The following TET1 variants were observed in gnomAD, a reference collection of about 807,000 sequenced individuals.
TET1 encodes methylcytosine dioxygenase TET1.
Under a neutral mutation model 148.7 loss-of-function variants are expected in TET1, and 13 were observed. The ratio of observed to expected loss-of-function variants is 0.09; its 90% confidence interval spans 0.06 to 0.14. The LOEUF is 0.14. Among genes scored for constraint, TET1 ranks in the 10% least tolerant of loss-of-function variants. The pLI is 1.00. For synonymous variants in TET1, 907 were observed against 937.2 expected, an observed-to-expected ratio of 0.97 and a Z score of 0.59; for missense variants, 2,182 against 2,553.8, an observed-to-expected ratio of 0.85 and a Z score of 3.14.
At chr10:68,664,515 A>C (rs917993740) in intron 6 of TET1, among the ~76,000 whole-genome samples, 2 of 146,108 alleles carry the variant, frequency 1.4e-5, no homozygotes, top group African/African-American at 5.1e-5. Flanking sequence ...AAGCCTCCCA[A>C]GTAGCTGGGA....
At chr10:68,577,677 G>A (rs1353817860) in intron 2 of TET1, among the ~76,000 whole-genome samples, 2 of 152,048 alleles carry the variant, frequency 1.3e-5, no homozygotes, top group Non-Finnish European at 1.5e-5. Flanking sequence ...GCATGGTGGT[G>A]CCCACCTGTT....
intron 2 of TET1, among the ~76,000 whole-genome samples, chr10:68,584,683 C>G (rs1422076544): frequency 6.6e-6 from 1 of 151,616 alleles, no homozygotes; most frequent in Non-Finnish European, 1.5e-5. Context: ...CACTCCAGCC[C>G]GGGTGACAGA....
At chr10:68,592,185 G>A (rs1170300307) in intron 2 of TET1, among the ~76,000 whole-genome samples, 5 of 151,678 alleles carry the variant, frequency 3.3e-5, no homozygotes, top group African/African-American at 9.7e-5. Flanking sequence ...GCATGGTGGC[G>A]GGCGCCTGTA....
At chr10:68,626,549 TTTA>T (rs974810851) in intron 3 of TET1, among the ~76,000 whole-genome samples, 1 of 151,760 alleles carries the variant, frequency 6.6e-6, no homozygotes, top group South Asian at 2.1e-4. Context: ...ATTTTATTAC[TTTA>T]TTATTATTAT....
Position 68,646,855 on chromosome 10 carries a change from T to A in TET1, c.4126T>A (p.Cys1376Ser). 1 of 1,614,212 alleles carries A rather than the reference T, an allele frequency of 6.2e-7. No individual in the cohort carries two copies. The highest frequency in any genetic ancestry group is 8.5e-7 in the Non-Finnish European group (1 of 1,180,038). Residue 1376 changes from cysteine to serine, a missense_variant, in exon 4 of 12, where the codon TGT becomes AGT. By Grantham distance (112) the Cys-to-Ser change is moderately radical. This residue lies in a region of TET1 where 169 missense variants were observed against 263.7 expected (regional missense o/e 0.64). Coordinates refer to ENST00000373644, the MANE Select transcript of TET1 (RefSeq NM_030625.3). The stretch of plus-strand genomic sequence containing the variant: ...TTCTACCAAAAGTGAAGAGGAAGTC[T>A]GTTCATCCAGTTTTGGAACATCAGA... The part of the protein sequence containing the change: ...VVSTKSEEEV[C>S]SSSFGTSEFS...
At chr10:68,685,245 T>A (rs1488810259) in intron 10 of TET1, among the ~76,000 whole-genome samples, 1 of 152,196 alleles carries the variant, frequency 6.6e-6, no homozygotes, top group Non-Finnish European at 1.5e-5. Flanking sequence ...CTACAGATAT[T>A]GAAAAAAATG....
At chr10:68,579,320 T>C (rs1265485172) in intron 2 of TET1, among the ~76,000 whole-genome samples, 2 of 152,234 alleles carry the variant, frequency 1.3e-5, no homozygotes, top group African/African-American at 2.4e-5. Context: ...TTACCCAAAA[T>C]AGAATATTCA....
intron 2 of TET1, among the ~76,000 whole-genome samples, chr10:68,577,312 G>C (rs886503054): frequency 2.6e-5 from 4 of 152,036 alleles, no homozygotes; most frequent in Non-Finnish European, 5.9e-5. Flanking sequence ...CTCCCAAAGT[G>C]CTGGGATTAC....
chr10:68,642,307 G>GC (rs2054769122), intron 3 of TET1, among the ~76,000 whole-genome samples: 1 of 152,024 alleles, frequency 6.6e-6, no homozygotes. Flanking sequence ...GGTTACAGGC[G>GC]CCTGTAGACC....
intron 1 of TET1, among the ~76,000 whole-genome samples, chr10:68,567,314 A>C (rs947584203): frequency 6.6e-6 from 1 of 152,178 alleles, no homozygotes; most frequent in Non-Finnish European, 1.5e-5. Context: ...GATCATCTCT[A>C]GACATGAAAC....
chr10:68,667,676 G>A (rs929098520), intron 7 of TET1, among the ~76,000 whole-genome samples: 2 of 151,694 alleles, frequency 1.3e-5, no homozygotes, highest in Non-Finnish European at 2.9e-5. Context: ...TCCGGGAGGC[G>A]GAGCTTGCAG....
intron 11 of TET1, among the ~76,000 whole-genome samples, chr10:68,687,256 G>T (rs376278278): frequency 9.2e-5 from 14 of 151,708 alleles, no homozygotes; most frequent in African/African-American, 3.1e-4. Flanking sequence ...ATGGGGAGGG[G>T]TCTCACTTTA....
chr10:68,661,432 T>G (rs1259530806), intron 6 of TET1, among the ~76,000 whole-genome samples: 1 of 143,776 alleles, frequency 7.0e-6, no homozygotes, highest in Non-Finnish European at 1.5e-5. Flanking sequence ...AATTTTATCC[T>G]GTGCTTAGAG....
intron 1 of TET1, among the ~76,000 whole-genome samples, chr10:68,562,478 T>C (rs1357462585): frequency 6.6e-6 from 1 of 152,216 alleles, no homozygotes; most frequent in Non-Finnish European, 1.5e-5. Flanking sequence ...ATTTTATCGG[T>C]ATTGATCATA....
intron 2 of TET1, among the ~76,000 whole-genome samples, chr10:68,586,466 T>C (rs2053862186): frequency 1.3e-5 from 2 of 149,580 alleles, no homozygotes; most frequent in Admixed American, 6.7e-5. Flanking sequence ...GCGTGTGCCA[T>C]TGCACCCAGC....
chr10:68,629,976 AG>A (rs752205308), intron 3 of TET1, among the ~76,000 whole-genome samples: 1 of 152,238 alleles, frequency 6.6e-6, no homozygotes, highest in Non-Finnish European at 1.5e-5. Flanking sequence ...AGTTGATAGA[AG>A]ATTAGGTTCT....
chr10:68,590,759 AC>A (rs1661847347), intron 2 of TET1, among the ~76,000 whole-genome samples: 1 of 152,116 alleles, frequency 6.6e-6, no homozygotes, highest in Non-Finnish European at 1.5e-5. Context: ...ACTAGTGTAC[AC>A]CACCCTGGGT....
rs200143684 is a variant in TET1, at chr10:68,629,540, A to AT, written c.1969-15146dup. Reference sequence around the variant, plus strand: ...AAATAAAAGTATATTATTATTTTTAATTTTTTTTTTTTGAGACAAAGTCTC... The same window carrying AT: ...AAATAAAAGTATATTATTATTTTTAATTTTTTTTTTTTTGAGACAAAGTCTC... On this transcript the variant is annotated intron_variant, in intron 3 of 11. Coordinates refer to ENST00000373644, the MANE Select transcript of TET1 (RefSeq NM_030625.3). Among the ~76,000 whole-genome samples the AT allele has an allele frequency of 3.2e-3, 468 of 147,206 alleles. 3 individuals carry two copies. The highest frequency in any genetic ancestry group is 9.4e-3 in the African/African-American group (380 of 40,332).
chr10:68,595,939 T>C (rs191490976), intron 2 of TET1, among the ~76,000 whole-genome samples: 5,261 of 35,920 alleles, frequency 0.15, 485 homozygotes, highest in Admixed American at 0.18. Context: ...TATATATATA[T>C]ATATATATAT....
Sources: allele counts gnomAD v4.1 joint callset (sites outside exome capture counted in the v4.1 genomes callset), GRCh38; gene constraint gnomAD v4.1.1; regional missense constraint gnomAD v4.1.1; transcripts MANE v1.5; gene names NCBI Gene and HGNC (gene_info 2026-07-23, HGNC 2026-07-21).